SLC28A3: variants seen among roughly 807,000 people sequenced by gnomAD.
The protein encoded by SLC28A3 is solute carrier family 28 member 3, also known as concentrative Na(+)-nucleoside cotransporter 3.
Under a neutral mutation model 84.2 loss-of-function variants are expected in SLC28A3, and 68 were observed. The observed-to-expected ratio is 0.81, with a 90% confidence interval of 0.66 to 0.99. SLC28A3 has a LOEUF of 0.99. Among genes scored for constraint, SLC28A3 ranks in the 50% least tolerant of loss-of-function variants. The probability of loss-of-function intolerance (pLI) is 0.00; values close to 1 mark genes in which losing one functional copy is unlikely to be tolerated. For synonymous variants in SLC28A3, 267 were observed against 303.6 expected (o/e 0.88, Z 1.25); for missense variants, 712 against 841.5 (o/e 0.85, Z 1.90).
chr9:84,299,293 TTTCTC>T (rs1825534579), intron 6 of SLC28A3, among the ~76,000 whole-genome samples: 1 of 152,184 alleles, frequency 6.6e-6, no homozygotes, highest in Non-Finnish European at 1.5e-5. Context: ...ATGGATGAGT[TTTCTC>T]TGTGTGTTTG....
chr9:84,323,134 G>A (rs1826432333), intron 1 of SLC28A3, among the ~76,000 whole-genome samples: 1 of 152,214 alleles, frequency 6.6e-6, no homozygotes, highest in Admixed American at 6.5e-5. Context: ...GGAAGAGGCA[G>A]ATTTTACATC....
chr9:84,333,285 A>G (rs1039183613), intron 1 of SLC28A3, among the ~76,000 whole-genome samples: 3 of 152,196 alleles, frequency 2.0e-5, no homozygotes, highest in African/African-American at 7.2e-5. Context: ...TGAAGTTTTT[A>G]TAGCTCACCA....
At chr9:84,306,319 C>T (rs866515201) in intron 3 of SLC28A3, among the ~76,000 whole-genome samples, 7 of 152,204 alleles carry the variant, frequency 4.6e-5, no homozygotes, top group African/African-American at 1.7e-4. Context: ...GAGACCTGCA[C>T]TCCCCTTGGC....
At chr9:84,280,749 C>A in intron 15 of SLC28A3, 52 bp downstream of exon 15, 1 of 1,580,520 alleles carries the variant, frequency 6.3e-7, no homozygotes, top group Non-Finnish European at 8.7e-7. Context: ...AATGGGGATC[C>A]AAGTATGTCT....
chr9:84,279,882 C>T (rs1824671955), intron 16 of SLC28A3, 93 bp downstream of exon 16: 20 of 1,192,368 alleles, frequency 1.7e-5, no homozygotes, highest in East Asian at 5.0e-5. Flanking sequence ...TCTGTGGCAG[C>T]GTGTGCTGCA....
chr9:84,302,063 TA>T, intron 5 of SLC28A3, 136 bp downstream of exon 5: 1 of 745,920 alleles, frequency 1.3e-6, no homozygotes, highest in Non-Finnish European at 2.1e-6. Context: ...GAAGACATTG[TA>T]ACAGATTACT....
rs920820885 is a variant in SLC28A3, at chr9:84,326,004, G to A, written c.61-12550C>T. Among the ~76,000 whole-genome samples the A allele has an allele frequency of 5.3e-5, 8 of 152,204 alleles. 1 individual carries two copies. Among genetic ancestry groups the A allele is most frequent in the Admixed American group, 1.3e-4 (2 of 15,272 alleles). On this transcript the variant is annotated intron_variant, in intron 1 of 17. Coordinates refer to ENST00000376238, the MANE Select transcript of SLC28A3 (RefSeq NM_001199633.2). ...AAATACCTAGTCCTTGTGTGGGGTA[G>A]AAGTAGCAGCTATCAAAGATCCAGA...
intron 2 of SLC28A3, among the ~76,000 whole-genome samples, chr9:84,313,087 T>A (rs1017397696): frequency 9.2e-5 from 14 of 152,242 alleles, no homozygotes; most frequent in Non-Finnish European, 1.0e-4. Context: ...TCTAAGCCAA[T>A]GCCTTTTTCC....
chr9:84,308,507 C>T (rs574871638), intron 3 of SLC28A3, among the ~76,000 whole-genome samples: 4 of 151,996 alleles, frequency 2.6e-5, no homozygotes, highest in African/African-American at 9.7e-5. Context: ...GATTGTGCCA[C>T]TGCACTCCAG....
At chr9:84,353,165 G>C in the SLC28A3 span, among the ~76,000 whole-genome samples, 2 of 152,122 alleles carry the variant, frequency 1.3e-5, no homozygotes, top group Non-Finnish European at 2.9e-5. Flanking sequence ...ATTTAGGTAT[G>C]TACCCCAAAT....
the SLC28A3 span, among the ~76,000 whole-genome samples, chr9:84,350,859 C>T: frequency 4.6e-5 from 7 of 152,048 alleles, no homozygotes; most frequent in African/African-American, 9.7e-5. Context: ...ACTACAGGCA[C>T]GCACCACCAC....
chr9:84,287,880 G>A lies in SLC28A3; in HGVS notation c.1280+168C>T, dbSNP rs186178438. On this transcript the variant is annotated intron_variant, in intron 12 of 17. Transcript: ENST00000376238. Reference sequence around the variant, plus strand: ...CTTTTTTGAGCAAGACTCAAAAAAAGGAAATAAAATAAGACTTTTTTCTGT... The same window carrying A: ...CTTTTTTGAGCAAGACTCAAAAAAAAGAAATAAAATAAGACTTTTTTCTGT... Among the ~76,000 whole-genome samples, 509 of 152,244 alleles carry A rather than the reference G, an allele frequency of 3.3e-3. 3 individuals carry two copies. Among genetic ancestry groups the A allele is most frequent in the Middle Eastern group, 6.8e-3 (2 of 294 alleles).
chr9:84,344,182 T>TA (rs1827213372), upstream of SLC28A3, among the ~76,000 whole-genome samples: 2 of 137,686 alleles, frequency 1.5e-5, no homozygotes, highest in African/African-American at 6.0e-5. Flanking sequence ...TCTCATCATA[T>TA]GGGTTTTTTT....
rs767093628 is a variant in SLC28A3, at chr9:84,309,613, G to C, written c.242+16C>G. ...GGGAGGTAGGCTTGGTTATTTCCCT[G>C]TTTTAAAGACTGTACCCTTTTTGTT... On this transcript the variant is annotated intron_variant, in intron 3 of 17. Transcript: ENST00000376238. 1.3e-6 allele frequency: 2 copies of C among 1,591,488 alleles called. No individual in the cohort carries two copies. Among genetic ancestry groups the C allele is most frequent in the African/African-American group, 1.4e-5 (1 of 73,288 alleles).
rs769712186 is a variant in SLC28A3 at position 84,290,219 on chromosome 9, C to A, written c.1084G>T (p.Ala362Ser). 6.2e-7 allele frequency: 1 copy of A among 1,614,040 alleles called. No homozygotes were observed. Among genetic ancestry groups the A allele is most frequent in the South Asian group, 1.1e-5 (1 of 91,082 alleles). ...GTAGAGAACCCGGCGGTCATGATGG[C>A]GTGGAGTTCAGACTTGGTGATGTAA... ...LPYITKSELH[A>S]IMTAGFSTIA... Residue 362 changes from alanine (A) to serine (S), a missense_variant, in exon 11 of 18, where the codon GCC (alanine) becomes TCC (serine). By Grantham distance (99) the Ala-to-Ser change is moderately conservative. Coordinates refer to ENST00000376238, the MANE Select transcript of SLC28A3 (RefSeq NM_001199633.2).
intron 17 of SLC28A3, 129 bp from the exon 18 acceptor site, chr9:84,278,473 G>T (rs1824607006): frequency 1.6e-6 from 2 of 1,227,576 alleles, no homozygotes; most frequent in South Asian, 1.6e-5. Context: ...GGTTAGGGTG[G>T]ATTAAAGGAC....
chr9:84,313,543 G>C, intron 1 of SLC28A3, 89 bp from the exon 2 acceptor site: 1 of 1,028,266 alleles, frequency 9.7e-7, no homozygotes, highest in Middle Eastern at 3.0e-4. Context: ...GAATTTGGAG[G>C]ATGAGACAAA....
chr9:84,313,041 G>C (rs1411524026), intron 2 of SLC28A3, among the ~76,000 whole-genome samples: 1 of 152,190 alleles, frequency 6.6e-6, no homozygotes, highest in East Asian at 1.9e-4. Flanking sequence ...GGTTCCTCTT[G>C]TTTCTGTCAT....
chr9:84,327,008 A>AAAAAAC (rs1260552324), intron 1 of SLC28A3, among the ~76,000 whole-genome samples: 1 of 151,996 alleles, frequency 6.6e-6, no homozygotes, highest in Non-Finnish European at 1.5e-5. Context: ...ATTCTGTCTC[A>AAAAAAC]AAAAACAAAA....
Sources: gnomAD v4.1 joint callset for allele counts (sites outside exome capture counted in the v4.1 genomes callset) on GRCh38, gnomAD v4.1.1 for gene constraint, MANE v1.5 for transcripts, NCBI Gene and HGNC (gene_info 2026-07-23, HGNC 2026-07-21) for gene names.